Variants in ZC3H7A observed in about 807,000 individuals in gnomAD.
The protein encoded by ZC3H7A is zinc finger CCCH-type containing 7A.
A neutral mutation model predicts 125.5 loss-of-function variants in ZC3H7A; 44 were observed. The ratio of observed to expected loss-of-function variants is 0.35; its 90% CI spans 0.28 to 0.45. The LOEUF (loss-of-function observed/expected upper bound fraction) is 0.45, where lower values mean the gene tolerates loss of function less well. Ranked by LOEUF, ZC3H7A falls within the 20% of genes least tolerant of loss-of-function variation. ZC3H7A has a pLI of 1.00. For synonymous variants in ZC3H7A, 399 were observed against 391.2 expected (o/e 1.02, Z -0.23); for missense variants, 977 against 1,170.7 (o/e 0.83, Z 2.41).
Position 11,762,676 on chromosome 16 carries a change from C to A in ZC3H7A, c.2074G>T (p.Ala692Ser), listed in dbSNP as rs745694053. 3.1e-6 allele frequency: 5 copies of A among 1,613,828 alleles called. No homozygotes were observed. Among genetic ancestry groups the A allele is most frequent in the Non-Finnish European group, 4.2e-6 (5 of 1,179,846 alleles). The change falls in exon 17 of 23, where the codon GCG becomes TCG. Residue 692 changes from alanine (A) to serine (S), a missense_variant. Around this residue, in one of 3 missense-constraint regions of ZC3H7A, gnomAD observed 436 missense variants for 603.2 expected, o/e 0.72. Coordinates refer to ENST00000355758, the MANE Select transcript of ZC3H7A (RefSeq NM_014153.4). ...WQNLEANVPG[A>S]QVLGNQIMPG... The stretch of plus-strand genomic sequence containing the variant: ...AGTACACAAGAGAAAAATACCTGCG[C>A]TCCAGGTACATTTGCTTCCAAATTC...
chr16:11,797,037 G>A, intron 1 of ZC3H7A, 87 bp downstream of exon 1: 1 of 145,502 alleles, frequency 6.9e-6, no homozygotes, highest in East Asian at 2.1e-4. Context: ...GGCCGCGCGC[G>A]AGCACGAGGC....
Position 11,768,406 on chromosome 16 carries a change from A to G in ZC3H7A, c.1269T>C (p.Val423=). 6.3e-7 allele frequency: 1 copy of G among 1,598,026 alleles called. No individual in the cohort carries two copies. The highest frequency in any genetic ancestry group is 1.7e-4 in the Middle Eastern group (1 of 6,004). ...NDFGNFFGSA[V]TKPSSSVTPR... ...GAGTCACTGATGAAGATGGTTTGGTAACTGCACTTCCAAAAAAGTTTCCAA... is the reference window on the plus strand; with the variant it reads ...GAGTCACTGATGAAGATGGTTTGGTGACTGCACTTCCAAAAAAGTTTCCAA... Residue 423 remains valine, a synonymous_variant, in exon 12 of 23, where the codon GTT becomes GTC. Transcript: ENST00000355758.
intron 19 of ZC3H7A, among the ~76,000 whole-genome samples, chr16:11,760,140 A>AAAAAAAAG (rs1567374789): frequency 7.4e-5 from 11 of 149,600 alleles, no homozygotes; most frequent in African/African-American, 2.7e-4. Flanking sequence ...AAAAAAAAAA[A>AAAAAAAAG]AAAAAGAAAA....
chr16:11,758,349 C>A, intron 20 of ZC3H7A, 82 bp downstream of exon 20: 1 of 1,030,204 alleles, frequency 9.7e-7, no homozygotes, highest in South Asian at 1.3e-5. Flanking sequence ...TTTCTGTGTT[C>A]ACAGGAAGCT....
intron 1 of ZC3H7A, among the ~76,000 whole-genome samples, chr16:11,790,777 G>A (rs751769119): frequency 7.2e-5 from 11 of 151,968 alleles, no homozygotes; most frequent in Middle Eastern, 3.4e-3. Context: ...GACCTCAGGT[G>A]ATCTGCCCAC....
chr16:11,790,759 G>C (rs935877332), intron 1 of ZC3H7A, among the ~76,000 whole-genome samples: 4 of 151,848 alleles, frequency 2.6e-5, no homozygotes, highest in East Asian at 1.9e-4. Flanking sequence ...AGCTGGTCTT[G>C]AACTCCCGAC....
At chr16:11,763,706 T>C (rs759150966) in intron 15 of ZC3H7A, 47 bp from the exon 16 acceptor site, 1 of 388,122 alleles carries the variant, frequency 2.6e-6, no homozygotes, top group Non-Finnish European at 4.0e-6. Flanking sequence ...CCATAGATTT[T>C]TCAAATATAT....
intron 7 of ZC3H7A, 29 bp from the exon 8 acceptor site, chr16:11,775,042 AAT>A (rs773332595): frequency 6.2e-7 from 1 of 1,612,912 alleles, no homozygotes; most frequent in South Asian, 1.1e-5. Flanking sequence ...AATGGGTTAT[AAT>A]ATTTTCAGGA....
intron 1 of ZC3H7A, among the ~76,000 whole-genome samples, chr16:11,787,838 C>A (rs548048371): frequency 1.3e-5 from 2 of 151,798 alleles, no homozygotes; most frequent in Non-Finnish European, 2.9e-5. Context: ...CCCAGCTACT[C>A]GGAAGGCTGA....
At chr16:11,770,559 G>A (rs1319121439) in intron 10 of ZC3H7A, among the ~76,000 whole-genome samples, 3 of 152,118 alleles carry the variant, frequency 2.0e-5, no homozygotes, top group Non-Finnish European at 4.4e-5. Context: ...AGAAACACCA[G>A]TGCCACACAC....
intron 1 of ZC3H7A, among the ~76,000 whole-genome samples, chr16:11,790,076 T>A (rs1475096926): frequency 2.4e-5 from 2 of 83,218 alleles, no homozygotes; most frequent in Non-Finnish European, 4.1e-5. Flanking sequence ...TGAGACTCCA[T>A]CTCAAAAAAA....
intron 13 of ZC3H7A, among the ~76,000 whole-genome samples, chr16:11,766,813 G>A (rs1384831817): frequency 1.3e-5 from 2 of 152,104 alleles, no homozygotes; most frequent in African/African-American, 4.8e-5. Flanking sequence ...AACCCAGAAG[G>A]CAGAGGTTGC....
At chr16:11,763,180 C>T (rs1243722853) in intron 16 of ZC3H7A, 1 of 259,142 alleles carries the variant, frequency 3.9e-6, no homozygotes, top group Non-Finnish European at 7.3e-6. Flanking sequence ...TGATCCTGGC[C>T]CACTGCAACC....
chr16:11,782,295 C>A lies in ZC3H7A; in HGVS notation c.60G>T (p.Gln20His). Reference protein sequence around the residue: ...KRQQNIKEGLQFIQSPLSYPG... With the variant: ...KRQQNIKEGLHFIQSPLSYPG... ...AACTCTGAAGCTCTTACTGTATAAA[C>A]TGCAGTCCTTCCTTAATGTTCTGCT... Residue 20 changes from glutamine (Q) to histidine (H), a missense_variant, in exon 2 of 23, where the codon CAG (glutamine) becomes CAT (histidine). Coordinates refer to ENST00000355758, the MANE Select transcript of ZC3H7A (RefSeq NM_014153.4). 1 of 1,614,220 alleles carries A rather than the reference C, an allele frequency of 6.2e-7. No homozygotes were observed. Among genetic ancestry groups the A allele is most frequent in the East Asian group, 2.2e-5 (1 of 44,882 alleles).
rs765180411 is a variant in ZC3H7A, at chr16:11,763,531, A to G, written c.1949T>C (p.Phe650Ser). The change falls in exon 16 of 23, where the codon TTT (phenylalanine) becomes TCT (serine). Residue 650 changes from phenylalanine (F) to serine (S), a missense_variant. Physicochemically the swap from Phe to Ser is radical, Grantham distance 155. This residue lies in a region of ZC3H7A where 436 missense variants were observed against 603.2 expected (regional missense o/e 0.72). Transcript: ENST00000355758. ...CAGTTCCACAAGACTATGGGCATAA[A>G]AGCACTCATCTTCCCTTAAACAGCC... is the stretch of plus-strand genomic sequence containing the variant. The part of the protein sequence containing the change: ...RYGCLREDEC[F>S]YAHSLVELKV... 12 of 1,609,672 alleles carry G rather than the reference A, an allele frequency of 7.5e-6. No individual in the cohort carries two copies. Among genetic ancestry groups the G allele is most frequent in the Non-Finnish European group, 1.0e-5 (12 of 1,177,818 alleles).
chr16:11,789,288 A>C (rs1174256004), intron 1 of ZC3H7A, among the ~76,000 whole-genome samples: 1 of 151,924 alleles, frequency 6.6e-6, no homozygotes, highest in Non-Finnish European at 1.5e-5. Flanking sequence ...TTTTGAGACA[A>C]ACTCTCGCTC....
rs529124830 is a variant in ZC3H7A at position 11,769,710 on chromosome 16, C to CAAAAAAAAAAAAAAAAAAAAA, written c.1109-616_1109-615insTTTTTTTTTTTTTTTTTTTTT. On this transcript the variant is annotated intron_variant, in intron 10 of 22. Coordinates refer to ENST00000355758, the MANE Select transcript of ZC3H7A (RefSeq NM_014153.4). ...TGGGCAACAGAGTGAGACTCTGTCT[C>CAAAAAAAAAAAAAAAAAAAAA]AAAAAAAAAAAAAAAAAAAGCAGGA... Among the ~76,000 whole-genome samples the CAAAAAAAAAAAAAAAAAAAAA allele has an allele frequency of 2.7e-3, 88 of 32,534 alleles. 9 individuals carry two copies. Among genetic ancestry groups the CAAAAAAAAAAAAAAAAAAAAA allele is most frequent in the East Asian group, 0.016 (8 of 500 alleles). The allele number at this position is 32,534 out of a possible 152,430, so 21.3% of individuals were successfully genotyped here. A position where few individuals can be genotyped will look rare whatever the true frequency, so the allele number is the denominator to read the frequency against.
chr16:11,778,757 AGGCTGGAGTGCAGT>A (rs1429869231), intron 4 of ZC3H7A, among the ~76,000 whole-genome samples: 2 of 152,110 alleles, frequency 1.3e-5, no homozygotes. Context: ...TCTGTCGCCC[AGGCTGGAGTGCAGT>A]GGCACAATCT....
chr16:11,795,203 T>C (rs8053548), intron 1 of ZC3H7A, among the ~76,000 whole-genome samples: 39,279 of 152,090 alleles, frequency 0.26, 7,089 homozygotes, highest in African/African-American at 0.51. Flanking sequence ...AGACCCATTG[T>C]GCAATTCAGT....
Sources: gnomAD v4.1 joint callset for allele counts (sites outside exome capture counted in the v4.1 genomes callset) on GRCh38, gnomAD v4.1.1 for gene constraint, gnomAD v4.1.1 regional missense constraint, MANE v1.5 for transcripts, NCBI Gene and HGNC (gene_info 2026-07-23, HGNC 2026-07-21) for gene names.